Variants in RHPN1 observed in about 807,000 individuals in gnomAD.
The protein encoded by RHPN1 is rhophilin-1.
A neutral mutation model predicts 74.7 loss-of-function variants in RHPN1; 77 were observed. The ratio of observed to expected loss-of-function variants is 1.03; its 90% CI spans 0.86 to 1.25. The LOEUF (loss-of-function observed/expected upper bound fraction) is 1.25. Among genes scored for constraint, RHPN1 ranks in the 50% most tolerant of loss-of-function variants. The probability of loss-of-function intolerance (pLI) is 0.00; values close to 1 mark genes in which losing one functional copy is unlikely to be tolerated. For missense variants in RHPN1, 987 were observed against 932.2 expected (o/e 1.06, Z -0.77); for synonymous variants, 444 against 414.5 (o/e 1.07, Z -0.87).
At chr8:143,381,763 C>G in intron 13 of RHPN1, 44 bp from the exon 14 acceptor site, 1 of 1,605,564 alleles carries the variant, frequency 6.2e-7, no homozygotes. Context: ...TTGGTGCCAG[C>G]CAGGGTGTCC....
In RHPN1 at chr8:143,380,609, G is replaced by T. The variant is rs1187268224; in HGVS notation, c.1237G>T (p.Ala413Ser). The T allele has an allele frequency of 2.0e-6, 3 of 1,537,342 alleles. No individual in the cohort carries two copies. The highest frequency in any genetic ancestry group is 1.2e-5 in the South Asian group (1 of 82,604). Reference sequence around the variant, plus strand: ...TGCAGGCAAGGCACACCTGAAGCGTGCCATCCTGGGGCAGGAGGAGGCGCT... The same window carrying T: ...TGCAGGCAAGGCACACCTGAAGCGTTCCATCCTGGGGCAGGAGGAGGCGCT... ...RQLGKAHLKR[A>S]ILGQEEALRL... The change falls in exon 11 of 15, where the codon GCC (alanine) becomes TCC (serine). Residue 413 changes from alanine to serine, a missense_variant. By Grantham distance (99) the Ala-to-Ser change is moderately conservative. Transcript: ENST00000289013.
At chr8:143,369,690 C>T (rs180723065) in intron 1 of RHPN1, among the ~76,000 whole-genome samples, 209 of 152,306 alleles carry the variant, frequency 1.4e-3, no homozygotes, top group African/African-American at 4.8e-3. Flanking sequence ...CCTGCTTGTT[C>T]CCTGCGGACC....
Position 143,377,452 on chromosome 8 carries a change from G to A in RHPN1, c.378G>A (p.Leu126=). ...AGGAGCTGGACTGGTCTACACCGCT[G>A]AAGGTAGGTACTGGCCTCCAAGCTC... ...ETKELDWSTP[L]KELISVHFGE... is the part of the protein sequence containing the mutation. The change falls in exon 4 of 15, where the codon CTG becomes CTA. Residue 126 remains leucine, a synonymous_variant. Transcript: ENST00000289013. 1 of 1,612,136 alleles carries A rather than the reference G, an allele frequency of 6.2e-7. No individual in the cohort carries two copies. Among genetic ancestry groups the A allele is most frequent in the Non-Finnish European group, 8.5e-7 (1 of 1,178,440 alleles).
At chr8:143,364,398 G>A (rs1471976167), upstream of RHPN1, among the ~76,000 whole-genome samples, 2 of 152,166 alleles carry the variant, frequency 1.3e-5, no homozygotes, top group African/African-American at 4.8e-5. The surrounding 1 kb of genome is among the most constrained non-coding windows in gnomAD (Gnocchi z 4.5). Context: ...GCCTGGGAAG[G>A]TCCCTCAGCG....
Position 143,381,826 on chromosome 8 carries a change from G to A in RHPN1, c.1655G>A (p.Gly552Asp), listed in dbSNP as rs772531720. ...CCACAGGCGGCTGGCCTGAAGGAGG[G>A]CGACTACATTGTGTCAGTGAATGGG... ...SQAAAAGLKE[G>D]DYIVSVNGQP... Residue 552 changes from glycine (G) to aspartate (D), a missense_variant, in exon 14 of 15, where the codon GGC (glycine) becomes GAC (aspartate). Gly to Asp is a moderately conservative substitution (Grantham distance 94). Transcript: ENST00000289013. 3.1e-6 allele frequency: 5 copies of A among 1,612,814 alleles called. No homozygotes were observed. Among genetic ancestry groups the A allele is most frequent in the Non-Finnish European group, 3.4e-6 (4 of 1,179,708 alleles).
At chr8:143,364,707 G>A (rs534303801), upstream of RHPN1, among the ~76,000 whole-genome samples, 7 of 152,184 alleles carry the variant, frequency 4.6e-5, no homozygotes, top group Admixed American at 2.0e-4. This position sits in a 1 kb window ranked among gnomAD's most constrained non-coding sequence, Gnocchi z 4.5. Flanking sequence ...TGATGGCCCC[G>A]TCTCACCGGG....
intron 1 of RHPN1, among the ~76,000 whole-genome samples, 172 bp downstream of exon 1, chr8:143,369,219 T>C (rs1586797602): frequency 6.6e-6 from 1 of 151,652 alleles, no homozygotes; most frequent in African/African-American, 2.4e-5. Flanking sequence ...TCGGTGGAGG[T>C]GCTTCCAGGC....
chr8:143,376,914 GTGTGTCTGCA>G (rs974748666), intron 3 of RHPN1, among the ~76,000 whole-genome samples: 39 of 146,548 alleles, frequency 2.7e-4, no homozygotes, highest in Admixed American at 2.4e-3. Flanking sequence ...GCGTGTGTCT[GTGTGTCTGCA>G]TGTGTCTGTG....
intron 2 of RHPN1, among the ~76,000 whole-genome samples, chr8:143,376,113 C>G (rs10105417): frequency 0.77 from 117,254 of 152,258 alleles, 48,496 homozygotes; most frequent in East Asian, 0.92. Context: ...CTGCTACCTC[C>G]CTGCCCCCAT....
chr8:143,366,393 A>C (rs77248569), upstream of RHPN1, among the ~76,000 whole-genome samples: 283 of 152,264 alleles, frequency 1.9e-3, 8 homozygotes, highest in East Asian at 0.043. Context: ...ATCTAAAATA[A>C]TTTAAAAAAA....
rs367978034 is a variant in RHPN1 at position 143,376,737 on chromosome 8, GTC to G, written c.305+88_305+89del. 4.5e-5 allele frequency: 65 copies of G among 1,445,280 alleles called. 1 individual carries two copies. Among genetic ancestry groups the G allele is most frequent in the African/African-American group, 4.5e-4 (32 of 71,298 alleles). The allele number at this position is 1,445,280 out of a possible 1,614,324, so 89.5% of individuals were successfully genotyped here. ...TGTGCATGTGTGTGCACGCATGTGT[GTC>G]TCTGTGTGTATATGTGTGCATTGTC... is the stretch of plus-strand genomic sequence containing the variant. On this transcript the variant is annotated intron_variant, in intron 3 of 14. Transcript: ENST00000289013.
intron 1 of RHPN1, among the ~76,000 whole-genome samples, chr8:143,375,295 G>A (rs532011451): frequency 5.9e-5 from 9 of 152,132 alleles, no homozygotes; most frequent in East Asian, 1.9e-4. Context: ...AGCCTCCCCC[G>A]CTGACCCCCA....
intron 10 of RHPN1, 31 bp downstream of exon 10, chr8:143,380,206 G>T (rs764681593): frequency 5.6e-6 from 8 of 1,427,088 alleles, no homozygotes; most frequent in Non-Finnish European, 6.6e-6. Flanking sequence ...GTGCCCTGGG[G>T]CTCAGATGGT....
At chr8:143,368,369 T>C (rs1311997297), upstream of RHPN1, 2 of 153,156 alleles carry the variant, frequency 1.3e-5, no homozygotes, top group East Asian at 1.9e-4. Flanking sequence ...ACACAAGCAC[T>C]TGTCCCTAAC....
Position 143,382,605 on chromosome 8 carries a change from T to C in RHPN1, c.1967T>C (p.Val656Ala). Reference sequence around the variant, plus strand: ...GGCTGCCCCCAGCCCTGTGCCCCAGTGAAGCCAGCTCCGCCCTCATCCTTG... The same window carrying C: ...GGCTGCCCCCAGCCCTGTGCCCCAGCGAAGCCAGCTCCGCCCTCATCCTTG... ...TGGCPQPCAP[V>A]KPAPPSSLKH... Residue 656 changes from valine to alanine, a missense_variant, in exon 15 of 15, where the codon GTG (valine) becomes GCG (alanine). Transcript: ENST00000289013. 6.2e-7 allele frequency: 1 copy of C among 1,610,826 alleles called. No homozygotes were observed.
Position 143,378,345 on chromosome 8 carries a change from A to C in RHPN1, c.458A>C (p.Gln153Pro). ...AEIRELEALR[Q>P]AMRTPSRNES... ...ATCAGGGAGCTGGAGGCCCTGCGGC[A>C]GGTGTGTGGTTCCCCCGCCCACCCA... The change falls in exon 5 of 15, where the codon CAG (glutamine) becomes CCG (proline). Residue 153 changes from glutamine to proline, a missense_variant and splice_region_variant. Physicochemically the swap from Gln to Pro is moderately conservative, Grantham distance 76. Transcript: ENST00000289013. The C allele has an allele frequency of 6.5e-7, 1 of 1,547,424 alleles. No individual in the cohort carries two copies. The highest frequency in any genetic ancestry group is 8.7e-7 in the Non-Finnish European group (1 of 1,146,756).
chr8:143,367,336 A>G (rs1817579077), upstream of RHPN1: 1 of 152,272 alleles, frequency 6.6e-6, no homozygotes, highest in Non-Finnish European at 1.5e-5. Flanking sequence ...TCTCTACAAA[A>G]TATACAAAAA....
rs944739581 is a variant in RHPN1 at position 143,381,448 on chromosome 8, T to C, written c.1488+104T>C. On this transcript the variant is annotated intron_variant, in intron 12 of 14. Transcript: ENST00000289013. ...CAGGCCATTGATGGTGGTCCAGCCCTCCCCACCCACCTTGTGGAACCCCAC... is the reference window on the plus strand; with the variant it reads ...CAGGCCATTGATGGTGGTCCAGCCCCCCCCACCCACCTTGTGGAACCCCAC... 4 of 1,453,350 alleles carry C rather than the reference T, an allele frequency of 2.8e-6. No homozygotes were observed. The Admixed American group carries it at 8.5e-5, about 31-fold the overall frequency. 90.0% of individuals were successfully genotyped at this position (1,453,350 alleles called of 1,614,324 possible).
chr8:143,374,763 C>T (rs778208392), intron 1 of RHPN1, among the ~76,000 whole-genome samples: 2 of 152,214 alleles, frequency 1.3e-5, no homozygotes, highest in East Asian at 1.9e-4. Context: ...TGGGCTGAGG[C>T]ATGAAACTGG....
Sources: gnomAD v4.1 joint callset for allele counts (sites outside exome capture counted in the v4.1 genomes callset) on GRCh38, gnomAD v4.1.1 for gene constraint, Gnocchi (gnomAD v3.1) non-coding constraint, MANE v1.5 for transcripts, NCBI Gene and HGNC (gene_info 2026-07-23, HGNC 2026-07-21) for gene names.